The following BRWD3 variants were observed in gnomAD, a reference collection of about 807,000 sequenced individuals.
The protein encoded by BRWD3 is bromodomain and WD repeat-containing protein 3.
BRWD3 carries 10 observed loss-of-function variants against 149.7 expected under a neutral mutation model. The observed-to-expected ratio is 0.07, with a 90% CI of 0.04 to 0.11. The LOEUF is 0.11. BRWD3 is among the 10% of genes least tolerant of loss of function. The pLI is 1.00. For synonymous variants in BRWD3, 504 were observed against 456.7 expected (o/e 1.10, Z -1.32); for missense variants, 940 against 1,373.2 (o/e 0.68, Z 4.99).
At chrX:80,710,433 G>A (rs1191308417) in intron 20 of BRWD3, 3 of 340,715 alleles carry the variant, frequency 8.8e-6, no homozygotes, top group African/African-American at 2.6e-5. Flanking sequence ...CTTACTTGGA[G>A]AGACATATGT....
At chrX:80,786,708 T>G (rs868015765) in intron 6 of BRWD3, among the ~76,000 whole-genome samples, 1 of 110,899 alleles carries the variant, frequency 9.0e-6, no homozygotes, top group Non-Finnish European at 1.9e-5. Flanking sequence ...AGAGAGGGGG[T>G]TTCACCATGT....
intron 10 of BRWD3, among the ~76,000 whole-genome samples, chrX:80,734,705 C>CA (rs1210178973): frequency 9.9e-6 from 1 of 100,619 alleles, no homozygotes; most frequent in African/African-American, 3.6e-5. Flanking sequence ...TCACCACAAT[C>CA]AAAAAAAGGA....
In BRWD3 at chrX:80,676,501, G is replaced by A. The variant is rs2072368547; in HGVS notation, c.*108C>T. Reference sequence around the variant, plus strand: ...CTGGCATAAATGGAAAAGCACCAATGTGAAAGGAAGCAGAAGTCCCCACAC... The same window carrying A: ...CTGGCATAAATGGAAAAGCACCAATATGAAAGGAAGCAGAAGTCCCCACAC... On this transcript the variant is annotated 3_prime_UTR_variant, in exon 41 of 41. Coordinates refer to ENST00000373275, the MANE Select transcript of BRWD3 (RefSeq NM_153252.5). 18 of 965,585 alleles carry A rather than the reference G, an allele frequency of 1.9e-5. No homozygotes were observed. In the South Asian group the frequency reaches 3.7e-4, roughly 20 times the overall value. 79.6% of individuals were successfully genotyped at this position (965,585 alleles called of 1,213,427 possible).
At chrX:80,703,920 A>G (rs1357399470) in intron 23 of BRWD3, among the ~76,000 whole-genome samples, 1 of 112,329 alleles carries the variant, frequency 8.9e-6, no homozygotes, top group Non-Finnish European at 1.9e-5. Flanking sequence ...GTGATAATCA[A>G]GAAAATAATT....
intron 6 of BRWD3, among the ~76,000 whole-genome samples, chrX:80,751,559 A>T (rs1489042023): frequency 8.9e-6 from 1 of 112,205 alleles, no homozygotes; most frequent in Non-Finnish European, 1.9e-5. Context: ...ACATTTTTTT[A>T]AAACTATTTT....
rs1384648147 is a variant in BRWD3 at position 80,691,305 on chromosome X, A to C, written c.3482-132T>G. On this transcript the variant is annotated intron_variant, in intron 30 of 40. Transcript: ENST00000373275. ...TTTCTAAAACCATGAGGATTCCATT[A>C]TACAAACAGAACGTTATTCTTTATA... 3 of 667,808 alleles carry C rather than the reference A, an allele frequency of 4.5e-6. No homozygotes were observed. The African/African-American group carries it at 6.7e-5, about 15-fold the overall frequency. The allele number at this position is 667,808 out of a possible 1,213,427, so 55.0% of individuals were successfully genotyped here.
intron 27 of BRWD3, among the ~76,000 whole-genome samples, chrX:80,695,548 G>A (rs2072676320): frequency 9.0e-6 from 1 of 111,481 alleles, no homozygotes; most frequent in African/African-American, 3.3e-5. Context: ...GTGGGAAGGT[G>A]ACAGGGAGGG....
chrX:80,769,532 C>A (rs1364521310), intron 6 of BRWD3, among the ~76,000 whole-genome samples: 3 of 111,426 alleles, frequency 2.7e-5, no homozygotes, highest in African/African-American at 9.8e-5. Context: ...AAAAGATGAT[C>A]TTTGAAACCA....
At chrX:80,700,982 A>T (rs956199716) in intron 24 of BRWD3, among the ~76,000 whole-genome samples, 36 of 110,596 alleles carry the variant, frequency 3.3e-4, no homozygotes, top group African/African-American at 1.2e-3. Context: ...CCGAAGGACA[A>T]CTGTACTATA....
chrX:80,761,773 T>C (rs1321135677), intron 6 of BRWD3, among the ~76,000 whole-genome samples: 6 of 111,776 alleles, frequency 5.4e-5, no homozygotes. Flanking sequence ...AACGGTTCCA[T>C]ACTGAGATAA....
intron 6 of BRWD3, among the ~76,000 whole-genome samples, chrX:80,747,395 A>C (rs1232483734): frequency 9.1e-6 from 1 of 109,581 alleles, no homozygotes; most frequent in Non-Finnish European, 1.9e-5. Context: ...CCCCACACTA[A>C]GTCGTGACAA....
chrX:80,756,333 C>A (rs1018430133), intron 6 of BRWD3, among the ~76,000 whole-genome samples: 1 of 108,575 alleles, frequency 9.2e-6, no homozygotes, highest in Non-Finnish European at 1.9e-5. Context: ...GAAACCCCGT[C>A]TCTACTAAAA....
chrX:80,736,006 A>G lies in BRWD3; in HGVS notation c.896T>C (p.Val299Ala), dbSNP rs781003767. ...DGTICFWQWH[V>A]KTMKFRDRPV... ...AACTTACCTAAACTTCATTGTTTTT[A>G]CATGCCATTGCCAGAAACAGATTGT... Residue 299 changes from valine (V) to alanine (A), a missense_variant, in exon 9 of 41, where the codon GTA becomes GCA. This residue lies in a region of BRWD3 where 209 missense variants were observed against 396.8 expected (regional missense o/e 0.53). Transcript: ENST00000373275. 14 of 1,203,113 alleles carry G rather than the reference A, an allele frequency of 1.2e-5. No individual in the cohort carries two copies. The highest frequency in any genetic ancestry group is 1.6e-5 in the Non-Finnish European group (14 of 889,767).
chrX:80,801,040 C>T (rs2074288826), intron 4 of BRWD3, among the ~76,000 whole-genome samples: 1 of 108,451 alleles, frequency 9.2e-6, no homozygotes, highest in South Asian at 4.0e-4. Context: ...CTAGTAGGTG[C>T]TCAGTAGAGA....
intron 33 of BRWD3, among the ~76,000 whole-genome samples, chrX:80,689,368 A>C (rs967168937): frequency 3.6e-5 from 4 of 111,640 alleles, no homozygotes; most frequent in African/African-American, 9.7e-5. Context: ...AACTACCAAA[A>C]ATTTAGACTT....
At chrX:80,722,274 T>C (rs746128182) in intron 17 of BRWD3, among the ~76,000 whole-genome samples, 3 of 112,247 alleles carry the variant, frequency 2.7e-5, no homozygotes, top group African/African-American at 9.7e-5. Flanking sequence ...CTCCATACTA[T>C]AGAAAACAAC....
chrX:80,769,263 C>T (rs4436262), intron 6 of BRWD3, among the ~76,000 whole-genome samples: 3,757 of 111,525 alleles, frequency 0.034, 77 homozygotes, highest in South Asian at 0.15. Flanking sequence ...CTACAGAACT[C>T]TCCACCCCAA....
At chrX:80,698,156 G>GT (rs2072728162) in intron 25 of BRWD3, among the ~76,000 whole-genome samples, 2 of 111,656 alleles carry the variant, frequency 1.8e-5, no homozygotes, top group African/African-American at 6.5e-5. Flanking sequence ...AAATGAGATT[G>GT]TTTGTTTTTT....
At chrX:80,795,343 GTA>G (rs1300428235) in intron 4 of BRWD3, among the ~76,000 whole-genome samples, 3 of 108,211 alleles carry the variant, frequency 2.8e-5, no homozygotes, top group Non-Finnish European at 5.7e-5. Context: ...CTATAATTGT[GTA>G]TATATATACA....
Sources: gnomAD v4.1 joint callset for allele counts (sites outside exome capture counted in the v4.1 genomes callset) on GRCh38, gnomAD v4.1.1 for gene constraint, gnomAD v4.1.1 regional missense constraint, MANE v1.5 for transcripts, NCBI Gene and HGNC (gene_info 2026-07-23, HGNC 2026-07-21) for gene names.